The following KIT variants were observed in gnomAD, a reference collection of about 807,000 sequenced individuals.
The protein encoded by KIT is KIT proto-oncogene, receptor tyrosine kinase.
KIT carries 16 observed loss-of-function variants against 105.7 expected under a neutral mutation model. The ratio of observed to expected loss-of-function variants is 0.15; its 90% confidence interval spans 0.10 to 0.23. The LOEUF is 0.23. Ranked by LOEUF, KIT falls within the 10% of genes least tolerant of loss-of-function variation. KIT has a pLI of 1.00. For synonymous variants in KIT, 438 were observed against 441.1 expected (o/e 0.99, Z 0.09); for missense variants, 858 against 1,213.8 (o/e 0.71, Z 4.36).
intron 1 of KIT, among the ~76,000 whole-genome samples, chr4:54,673,549 A>G (rs1384596145): frequency 6.6e-6 from 1 of 152,186 alleles, no homozygotes; most frequent in Non-Finnish European, 1.5e-5. Context: ...ATTCTGATTT[A>G]TGCTGTTCTT....
chr4:54,712,314 C>T lies in KIT; in HGVS notation c.1231+2775C>T, dbSNP rs187431752. 4.2e-4 allele frequency among the ~76,000 whole-genome samples: 64 copies of T among 152,256 alleles called. No homozygotes were observed. In the Middle Eastern group the frequency reaches 0.01, roughly 24 times the overall value. On this transcript the variant is annotated intron_variant, in intron 7 of 20. Transcript: ENST00000288135. ...AACAATTACTCTTTGTCAAATTGCT[C>T]CTCCTCAGTGCTTCTTCTCAGTTTC...
chr4:54,734,324 C>G (rs1722786143), intron 17 of KIT, among the ~76,000 whole-genome samples: 1 of 152,132 alleles, frequency 6.6e-6, no homozygotes, highest in Admixed American at 6.5e-5. Context: ...CAAGAGTTGT[C>G]CAATACCTCT....
At chr4:54,694,513 A>G (rs1719922974) in intron 1 of KIT, among the ~76,000 whole-genome samples, 1 of 151,910 alleles carries the variant, frequency 6.6e-6, no homozygotes, top group Admixed American at 6.6e-5. Flanking sequence ...ACAGGTTCCC[A>G]CTACCATGCC....
intron 1 of KIT, among the ~76,000 whole-genome samples, chr4:54,686,385 CA>C (rs1448149694): frequency 6.6e-6 from 1 of 152,130 alleles, no homozygotes; most frequent in African/African-American, 2.4e-5. Flanking sequence ...ACCTGGCATG[CA>C]GATAGAACAT....
intron 7 of KIT, among the ~76,000 whole-genome samples, chr4:54,721,774 C>T (rs1012632208): frequency 1.3e-5 from 2 of 152,166 alleles, no homozygotes; most frequent in African/African-American, 4.8e-5. Flanking sequence ...CTTTCCTTCT[C>T]ACTGCATATA....
At chr4:54,667,630 C>T (rs1717798703) in intron 1 of KIT, among the ~76,000 whole-genome samples, 1 of 152,110 alleles carries the variant, frequency 6.6e-6, no homozygotes, top group Non-Finnish European at 1.5e-5. Flanking sequence ...CTGCTCCCGC[C>T]GACAGAACGT....
rs1177715061 is a variant in KIT at position 54,740,090 on chromosome 4, TG to T, written c.*1535del. 4.3e-6 allele frequency: 1 copy of T among 233,552 alleles called. No homozygotes were observed. The highest frequency in any genetic ancestry group is 6.0e-5 in the East Asian group (1 of 16,578). 14.5% of individuals were successfully genotyped at this position (233,552 alleles called of 1,614,324 possible). A position where few individuals can be genotyped will look rare whatever the true frequency, so the allele number is the denominator to read the frequency against. On this transcript the variant is annotated 3_prime_UTR_variant, in exon 21 of 21. Coordinates refer to ENST00000288135, the MANE Select transcript of KIT (RefSeq NM_000222.3). ...CCAATATAAAAGGCAAATGTGTACA[TG>T]GCAGAGTTTGTGTGTTGTCTTGAAA... is the stretch of plus-strand genomic sequence containing the variant.
chr4:54,668,655 A>G lies in KIT; in HGVS notation c.67+10574A>G, dbSNP rs923869110. Among the ~76,000 whole-genome samples the G allele has an allele frequency of 2.0e-5, 3 of 152,340 alleles. No homozygotes were observed. The East Asian group carries it at 5.8e-4, about 29-fold the overall frequency. On this transcript the variant is annotated intron_variant, in intron 1 of 20. Coordinates refer to ENST00000288135, the MANE Select transcript of KIT (RefSeq NM_000222.3). ...GGAAAAGAAGTATTTCTAGAACAGG[A>G]TTCAATTGGCTTCTGGGGAAAATAT...
intron 1 of KIT, 65 bp from the exon 2 acceptor site, chr4:54,695,447 G>C (rs1719989071): frequency 6.4e-7 from 1 of 1,559,042 alleles, no homozygotes; most frequent in Non-Finnish European, 8.8e-7. Context: ...CTCAGTATTG[G>C]AAGAAGTGCT....
chr4:54,674,333 C>T (rs989250201), intron 1 of KIT, among the ~76,000 whole-genome samples: 6 of 152,290 alleles, frequency 3.9e-5, no homozygotes, highest in African/African-American at 9.6e-5. Context: ...CAGCCCTCTC[C>T]GCACTCACTA....
intron 6 of KIT, among the ~76,000 whole-genome samples, chr4:54,707,778 A>C (rs1720886572): frequency 6.6e-6 from 1 of 152,200 alleles, no homozygotes; most frequent in African/African-American, 2.4e-5. Flanking sequence ...GGTAAGACAT[A>C]AGTGCTTTTT....
intron 17 of KIT, 141 bp downstream of exon 17, chr4:54,733,333 C>A: frequency 1.1e-6 from 1 of 881,912 alleles, no homozygotes; most frequent in Non-Finnish European, 1.8e-6. Flanking sequence ...AAGTATACTT[C>A]AGCAAAATTT....
chr4:54,682,808 G>A (rs1719039941), intron 1 of KIT, among the ~76,000 whole-genome samples: 1 of 149,980 alleles, frequency 6.7e-6, no homozygotes, highest in Non-Finnish European at 1.5e-5. Context: ...CTGGAGTGCA[G>A]TGACGCAATC....
rs878853758 is a variant in KIT, at chr4:54,707,281, A to G, written c.1109A>G (p.Asn370Ser). 5 of 1,606,872 alleles carry G rather than the reference A, an allele frequency of 3.1e-6. No homozygotes were observed. Among genetic ancestry groups the G allele is most frequent in the Non-Finnish European group, 4.3e-6 (5 of 1,173,464 alleles). ...EDYPKSENES[N>S]IRYVSELHLT... is the part of the protein sequence containing the mutation. ...TATCCCAAGTCTGAGAATGAAAGTA[A>G]TATCAGGTAAGAAATGGACCTTGCC... Residue 370 changes from asparagine to serine, a missense_variant, in exon 6 of 21, where the codon AAT becomes AGT. Physicochemically the swap from Asn to Ser is conservative, Grantham distance 46 (BLOSUM62 1). Around this residue, in one of 7 missense-constraint regions of KIT, gnomAD observed 401 missense variants for 601.0 expected, o/e 0.67. Coordinates refer to ENST00000288135, the MANE Select transcript of KIT (RefSeq NM_000222.3).
intron 4 of KIT, among the ~76,000 whole-genome samples, chr4:54,703,255 T>C (rs1458646929): frequency 3.3e-5 from 5 of 152,310 alleles, no homozygotes; most frequent in Non-Finnish European, 7.4e-5. Flanking sequence ...GTTGTTGACA[T>C]TGTGATTCTG....
intron 1 of KIT, among the ~76,000 whole-genome samples, chr4:54,671,314 T>C (rs1471595541): frequency 6.6e-6 from 1 of 152,136 alleles, no homozygotes; most frequent in Non-Finnish European, 1.5e-5. Context: ...GTTCTGGTTC[T>C]CGAGAAGGAA....
At position 54,727,423 on chromosome 4, in the gene KIT, T is replaced by A. The variant is rs746805825; in HGVS notation, c.1655T>A (p.Met552Lys). Reference protein sequence around the residue: ...ILTYKYLQKPMYEVQWKVVEE... With the variant: ...ILTYKYLQKPKYEVQWKVVEE... Reference sequence around the variant, plus strand: ...TTCCCTTTCTCCCCACAGAAACCCATGTATGAAGTACAGTGGAAGGTTGTT... The same window carrying A: ...TTCCCTTTCTCCCCACAGAAACCCAAGTATGAAGTACAGTGGAAGGTTGTT... Residue 552 changes from methionine to lysine, a missense_variant, in exon 11 of 21, where the codon ATG becomes AAG. Physicochemically the swap from Met to Lys is moderately conservative, Grantham distance 95 (BLOSUM62 -1). Around this residue, in one of 7 missense-constraint regions of KIT, gnomAD observed 78 missense variants for 77.6 expected, o/e 1.01. Coordinates refer to ENST00000288135, the MANE Select transcript of KIT (RefSeq NM_000222.3). The A allele has an allele frequency of 6.2e-7, 1 of 1,614,184 alleles. No homozygotes were observed. Among genetic ancestry groups the A allele is most frequent in the Non-Finnish European group, 8.5e-7 (1 of 1,180,020 alleles).
At chr4:54,724,685 G>T (rs1258193380) in intron 8 of KIT, among the ~76,000 whole-genome samples, 8 of 151,954 alleles carry the variant, frequency 5.3e-5, no homozygotes, top group Non-Finnish European at 1.5e-5. Context: ...GCTTCCCTGG[G>T]CTACACTGGA....
intron 1 of KIT, among the ~76,000 whole-genome samples, chr4:54,658,877 G>T (rs1408484633): frequency 6.6e-6 from 1 of 152,146 alleles, no homozygotes; most frequent in Non-Finnish European, 1.5e-5. Flanking sequence ...TTTCTGCCGC[G>T]GCGCCGTTTC....
Sources: allele counts gnomAD v4.1 joint callset (sites outside exome capture counted in the v4.1 genomes callset), GRCh38; gene constraint gnomAD v4.1.1; regional missense constraint gnomAD v4.1.1; transcripts MANE v1.5; gene names NCBI Gene and HGNC (gene_info 2026-07-23, HGNC 2026-07-21).